Variants in WDR7 observed in about 807,000 individuals in gnomAD.
WDR7 encodes the protein WD repeat domain 7, also known as WD repeat-containing protein 7.
WDR7 carries 46 observed loss-of-function variants against 169.4 expected under a neutral mutation model. That is an observed-to-expected ratio of 0.27 (90% CI 0.21 to 0.35). The LOEUF is 0.35. Among genes scored for constraint, WDR7 ranks in the 10% least tolerant of loss-of-function variants. The pLI is 1.00. For synonymous variants in WDR7, 612 were observed against 666.8 expected, an observed-to-expected ratio of 0.92 and a Z score of 1.27; for missense variants, 1,534 against 1,859.3, an observed-to-expected ratio of 0.83 and a Z score of 3.22.
chr18:56,660,213 C>T (rs934381747), intron 1 of WDR7, among the ~76,000 whole-genome samples: 2 of 152,052 alleles, frequency 1.3e-5, no homozygotes, highest in African/African-American at 4.8e-5. Flanking sequence ...ATCAGGGGCT[C>T]ACTTTTGGAC....
rs1199408503 is a variant in WDR7, at chr18:56,651,471, G to C, written c.-125G>C. The C allele has an allele frequency of 6.6e-6, 1 of 152,500 alleles. No homozygotes were observed. Among genetic ancestry groups the C allele is most frequent in the Non-Finnish European group, 1.5e-5 (1 of 68,260 alleles). The allele number at this position is 152,500 out of a possible 1,614,324, so 9.4% of individuals were successfully genotyped here. ...CACGGATTATCCCAGCAGGATCTAC[G>C]CACCCCGCATCCTCCGTAGTTCCGC... On this transcript the variant is annotated 5_prime_UTR_variant, in exon 1 of 28. Coordinates refer to ENST00000254442, the MANE Select transcript of WDR7 (RefSeq NM_015285.3).
At chr18:56,806,376 A>G (rs894909641) in intron 19 of WDR7, among the ~76,000 whole-genome samples, 1 of 152,238 alleles carries the variant, frequency 6.6e-6, no homozygotes, top group African/African-American at 2.4e-5. Context: ...CTTTAAAAAA[A>G]TATATAGATC....
At chr18:56,928,863 C>T (rs1160843876) in intron 22 of WDR7, among the ~76,000 whole-genome samples, 2 of 152,190 alleles carry the variant, frequency 1.3e-5, no homozygotes, top group Non-Finnish European at 2.9e-5. Flanking sequence ...TAGCTTATTC[C>T]AAAAGCCAGA....
rs1343751468 is a variant in WDR7 at position 56,757,187 on chromosome 18, T to C, written c.2594T>C (p.Val865Ala). 6.2e-7 allele frequency: 1 copy of C among 1,613,762 alleles called. No homozygotes were observed. Among genetic ancestry groups the C allele is most frequent in the African/African-American group, 1.3e-5 (1 of 74,838 alleles). Reference protein sequence around the residue: ...ACKLSHGKTEVGRKLPASEGV... With the variant: ...ACKLSHGKTEAGRKLPASEGV... ...AAACTGTCACATGGGAAAACAGAAGTAGGAAGGAAGCTGCCAGCGTCTGAG... is the reference window on the plus strand; with the variant it reads ...AAACTGTCACATGGGAAAACAGAAGCAGGAAGGAAGCTGCCAGCGTCTGAG... Residue 865 changes from valine (V) to alanine (A), a missense_variant, in exon 15 of 28, where the codon GTA (valine) becomes GCA (alanine). Coordinates refer to ENST00000254442, the MANE Select transcript of WDR7 (RefSeq NM_015285.3).
intron 25 of WDR7, among the ~76,000 whole-genome samples, chr18:56,954,478 A>C (rs1457348412): frequency 6.6e-6 from 1 of 152,158 alleles, no homozygotes; most frequent in South Asian, 2.1e-4. Flanking sequence ...AAGAGTATGT[A>C]AAATAAAATC....
intron 21 of WDR7, among the ~76,000 whole-genome samples, chr18:56,905,623 C>CTATA (rs10563010): frequency 0.013 from 1,953 of 147,032 alleles, 54 homozygotes; most frequent in African/African-American, 0.046. Context: ...TATTATGAAA[C>CTATA]TATATATATA....
chr18:56,953,999 T>A (rs2047216961), intron 25 of WDR7, among the ~76,000 whole-genome samples: 1 of 152,222 alleles, frequency 6.6e-6, no homozygotes, highest in Non-Finnish European at 1.5e-5. Flanking sequence ...ACTATGTGCA[T>A]AGAACTGAAC....
intron 20 of WDR7, among the ~76,000 whole-genome samples, chr18:56,849,850 G>A (rs936023662): frequency 1.3e-5 from 2 of 152,148 alleles, no homozygotes; most frequent in Admixed American, 1.3e-4. Flanking sequence ...TGGGACTACA[G>A]GTGCATGCCA....
intron 12 of WDR7, among the ~76,000 whole-genome samples, chr18:56,707,291 C>G (rs2025980262): frequency 6.6e-6 from 1 of 152,040 alleles, no homozygotes; most frequent in African/African-American, 2.4e-5. Flanking sequence ...CCTCAACTGA[C>G]TTTACTGTAG....
intron 21 of WDR7, among the ~76,000 whole-genome samples, chr18:56,904,277 C>T (rs1423176774): frequency 6.6e-6 from 1 of 152,080 alleles, no homozygotes; most frequent in Non-Finnish European, 1.5e-5. Context: ...ACCATGTTAG[C>T]CAGGCTGGTC....
At position 56,779,501 on chromosome 18, in the gene WDR7, T is replaced by A. The variant is rs2044287441; in HGVS notation, c.3018T>A (p.Pro1006=). The change falls in exon 18 of 28, where the codon CCT becomes CCA. Residue 1006 remains proline (P), a synonymous_variant. Coordinates refer to ENST00000254442, the MANE Select transcript of WDR7 (RefSeq NM_015285.3). Reference sequence around the variant, plus strand: ...TACTGGGATTGGATAAATTTAGGCCTCCCCTTCTGGAGATGCTGGCCCGAA... The same window carrying A: ...TACTGGGATTGGATAAATTTAGGCCACCCCTTCTGGAGATGCTGGCCCGAA... The part of the protein sequence containing the change: ...PDLLGLDKFR[P]PLLEMLARRW... 5 of 1,613,830 alleles carry A rather than the reference T, an allele frequency of 3.1e-6. No homozygotes were observed. The highest frequency in any genetic ancestry group is 4.2e-6 in the Non-Finnish European group (5 of 1,179,866).
At chr18:56,655,148 G>A (rs572904774) in intron 1 of WDR7, among the ~76,000 whole-genome samples, 19 of 152,292 alleles carry the variant, frequency 1.2e-4, no homozygotes, top group Middle Eastern at 3.4e-3. Flanking sequence ...AGTAAAGAGA[G>A]GTCTGGTTTC....
At chr18:56,759,906 TC>T (rs1331597615) in intron 16 of WDR7, among the ~76,000 whole-genome samples, 1 of 152,150 alleles carries the variant, frequency 6.6e-6, no homozygotes, top group African/African-American at 2.4e-5. Flanking sequence ...TACTTTAACA[TC>T]CTTAAATGGT....
At chr18:56,802,311 AT>A (rs535397644) in intron 19 of WDR7, among the ~76,000 whole-genome samples, 22,414 of 145,676 alleles carry the variant, frequency 0.15, 2,223 homozygotes, top group African/African-American at 0.3. Context: ...CATAGTTAGA[AT>A]TTTTTTTTTT....
intron 12 of WDR7, among the ~76,000 whole-genome samples, chr18:56,707,016 C>T (rs1273221270): frequency 6.7e-6 from 1 of 149,664 alleles, no homozygotes; most frequent in Non-Finnish European, 1.5e-5. Flanking sequence ...GAGTCTCACT[C>T]TGCCACCCAG....
chr18:56,902,818 A>G (rs973427347), intron 21 of WDR7, among the ~76,000 whole-genome samples: 3 of 152,212 alleles, frequency 2.0e-5, no homozygotes, highest in African/African-American at 7.2e-5. Flanking sequence ...CTTATGACTC[A>G]GTCTTTTACT....
intron 3 of WDR7, among the ~76,000 whole-genome samples, chr18:56,680,010 T>G (rs1056624969): frequency 1.3e-5 from 2 of 152,288 alleles, no homozygotes; most frequent in Admixed American, 1.3e-4. Flanking sequence ...GAAAATTACA[T>G]ATATTTATAC....
chr18:56,962,595 G>T, intron 26 of WDR7, 66 bp downstream of exon 26: 2 of 1,452,394 alleles, frequency 1.4e-6, no homozygotes, highest in Non-Finnish European at 1.9e-6. Context: ...AGAGAGACTA[G>T]CACTTCACCA....
chr18:56,938,823 G>GTGTA, intron 24 of WDR7, 141 bp downstream of exon 24: 2 of 871,028 alleles, frequency 2.3e-6, no homozygotes, highest in Admixed American at 3.3e-5. Context: ...GTGTGTGTGT[G>GTGTA]TGTGTGTGTG....
Sources: gnomAD v4.1 joint callset for allele counts (sites outside exome capture counted in the v4.1 genomes callset) on GRCh38, gnomAD v4.1.1 for gene constraint, MANE v1.5 for transcripts, NCBI Gene and HGNC (gene_info 2026-07-23, HGNC 2026-07-21) for gene names.